Variants in LAPTM4B observed in about 807,000 individuals in gnomAD.
The protein encoded by LAPTM4B is lysosomal protein transmembrane 4 beta, also known as lysosomal-associated transmembrane protein 4B.
A neutral mutation model predicts 28.5 loss-of-function variants in LAPTM4B; 26 were observed. The observed-to-expected ratio is 0.91, with a 90% CI of 0.67 to 1.27. LAPTM4B has a LOEUF of 1.27. LAPTM4B is among the 50% of genes most tolerant of loss of function. The pLI, the probability that LAPTM4B is intolerant of heterozygous loss-of-function variation, is 0.00. For missense variants in LAPTM4B, 288 were observed against 285.8 expected (o/e 1.01, Z -0.06); for synonymous variants, 109 against 106.4 (o/e 1.02, Z -0.15).
At chr8:97,780,297 C>A (rs11997964) in intron 1 of LAPTM4B, among the ~76,000 whole-genome samples, 2 of 151,712 alleles carry the variant, frequency 1.3e-5, no homozygotes, top group Non-Finnish European at 2.9e-5. Context: ...CGTGGTGGCA[C>A]GTGCCTGTAA....
In LAPTM4B at chr8:97,810,890, T is replaced by C. The variant is rs1816816255; in HGVS notation, c.212-4438T>C. ...GCTACTTATATATACAGTCACCTGA[T>C]TTAGGCTAAAGACACCACTACATTT... On this transcript the variant is annotated intron_variant, in intron 2 of 6. Coordinates refer to ENST00000521545, the MANE Select transcript of LAPTM4B (RefSeq NM_018407.6). Among the ~76,000 whole-genome samples, 4 of 152,220 alleles carry C rather than the reference T, an allele frequency of 2.6e-5. No homozygotes were observed. In the South Asian group the frequency reaches 8.3e-4, roughly 32 times the overall value.
chr8:97,776,375 C>G lies in LAPTM4B; in HGVS notation c.99+267C>G, dbSNP rs184094922. ...CCCTTGGCGCCCAGGTGGTGTGGGT[C>G]GCCGATCTCCAGCCTCCGCGCAGCC... On this transcript the variant is annotated intron_variant, in intron 1 of 6. Transcript: ENST00000521545. Among the ~76,000 whole-genome samples, 531 of 152,346 alleles carry G rather than the reference C, an allele frequency of 3.5e-3. 3 individuals are homozygous for G. Among genetic ancestry groups the G allele is most frequent in the African/African-American group, 0.012 (507 of 41,588 alleles).
chr8:97,837,300 C>T (rs1282798383), intron 6 of LAPTM4B, among the ~76,000 whole-genome samples: 1 of 148,522 alleles, frequency 6.7e-6, no homozygotes, highest in Non-Finnish European at 1.5e-5. Context: ...TCACGTTATT[C>T]TCCTGTCTCA....
chr8:97,834,695 A>G (rs1817235354), intron 6 of LAPTM4B, among the ~76,000 whole-genome samples: 1 of 152,084 alleles, frequency 6.6e-6, no homozygotes, highest in Admixed American at 6.6e-5. Context: ...AGTAGCTGGG[A>G]CTACAGGTGT....
rs183293293 is a variant in LAPTM4B at position 97,843,216 on chromosome 8, G to A, written c.604-8181G>A. 5.9e-3 allele frequency among the ~76,000 whole-genome samples: 901 copies of A among 152,122 alleles called. 10 individuals are homozygous for A. Among genetic ancestry groups the A allele is most frequent in the Non-Finnish European group, 7.3e-3 (498 of 67,996 alleles). The stretch of plus-strand genomic sequence containing the variant: ...TCTGAATTAAAATTTACATTTGGCC[G>A]GGCCATCCGAGACCATCCTGGCCAA... On this transcript the variant is annotated intron_variant, in intron 6 of 6. Transcript: ENST00000521545.
At chr8:97,800,849 C>A (rs537077564) in intron 1 of LAPTM4B, among the ~76,000 whole-genome samples, 1 of 152,006 alleles carries the variant, frequency 6.6e-6, no homozygotes, top group South Asian at 2.1e-4. Context: ...TGGTGGCTCG[C>A]GCATTTAATC....
intron 5 of LAPTM4B, among the ~76,000 whole-genome samples, chr8:97,819,813 C>T (rs1816976851): frequency 1.4e-5 from 2 of 141,364 alleles, no homozygotes; most frequent in Non-Finnish European, 3.0e-5. Context: ...CGGCTTACTG[C>T]GAGCTTCGCC....
chr8:97,809,370 A>G (rs889525055), intron 2 of LAPTM4B, among the ~76,000 whole-genome samples: 5 of 152,350 alleles, frequency 3.3e-5, no homozygotes, highest in Non-Finnish European at 7.3e-5. Flanking sequence ...GGAAGAGTTC[A>G]TATGAGTATA....
In LAPTM4B at chr8:97,784,715, G is replaced by A. The variant is rs913410893; in HGVS notation, c.99+8607G>A. On this transcript the variant is annotated intron_variant, in intron 1 of 6. Transcript: ENST00000521545. ...AGCCTCCCAAAGTGTTGGGATTACA[G>A]GCATGAGCCACCACGCCTGGCCAAT... 6.6e-5 allele frequency among the ~76,000 whole-genome samples: 10 copies of A among 152,272 alleles called. 1 individual carries two copies. Among genetic ancestry groups the A allele is most frequent in the African/African-American group, 2.2e-4 (9 of 41,552 alleles).
chr8:97,852,849 G>T lies in LAPTM4B; in HGVS notation c.*1375G>T. 1 of 335,854 alleles carries T rather than the reference G, an allele frequency of 3.0e-6. No individual in the cohort carries two copies. Among genetic ancestry groups the T allele is most frequent in the Non-Finnish European group, 5.4e-6 (1 of 184,202 alleles). 20.8% of individuals were successfully genotyped at this position (335,854 alleles called of 1,614,324 possible). On this transcript the variant is annotated 3_prime_UTR_variant, in exon 7 of 7. Transcript: ENST00000521545. ...TATGAGATGAAAAGTACTTGTCAGG[G>T]ATTTTCAAGCTTTTGCTCAAGTAAT...
At chr8:97,784,296 G>A (rs1407923763) in intron 1 of LAPTM4B, among the ~76,000 whole-genome samples, 3 of 152,094 alleles carry the variant, frequency 2.0e-5, no homozygotes, top group African/African-American at 7.2e-5. Flanking sequence ...TTTATTGCCT[G>A]GTGTTTTCCC....
At chr8:97,820,873 C>A (rs914770270) in intron 5 of LAPTM4B, among the ~76,000 whole-genome samples, 2 of 151,880 alleles carry the variant, frequency 1.3e-5, no homozygotes, top group Non-Finnish European at 2.9e-5. Context: ...GGACTACAGG[C>A]GCCTGTTACC....
At chr8:97,776,393 G>T (rs1816216516) in intron 1 of LAPTM4B, among the ~76,000 whole-genome samples, 2 of 152,212 alleles carry the variant, frequency 1.3e-5, no homozygotes, top group Non-Finnish European at 1.5e-5. Flanking sequence ...TCCAGCCTCC[G>T]CGCAGCCCCG....
At position 97,775,942 on chromosome 8, in the gene LAPTM4B, G is replaced by GGCTCCAGGCGAGGCGGTCGAC. The variant is rs1439878303; in HGVS notation, c.-62_-42dup. The GGCTCCAGGCGAGGCGGTCGAC allele has an allele frequency of 6.7e-7, 1 of 1,482,752 alleles. No homozygotes were observed. Among genetic ancestry groups the GGCTCCAGGCGAGGCGGTCGAC allele is most frequent in the Non-Finnish European group, 8.9e-7 (1 of 1,125,830 alleles). 91.8% of individuals were successfully genotyped at this position (1,482,752 alleles called of 1,614,324 possible). On this transcript the variant is annotated 5_prime_UTR_variant, in exon 1 of 7. Coordinates refer to ENST00000521545, the MANE Select transcript of LAPTM4B (RefSeq NM_018407.6). ...AGGAGCCGGCAGCAGCGGCGCGGCG[G>GGCTCCAGGCGAGGCGGTCGAC]GCTCCAGGCGAGGCGGTCGACGCTC...
At chr8:97,846,471 G>T (rs1817436334) in intron 6 of LAPTM4B, among the ~76,000 whole-genome samples, 1 of 152,070 alleles carries the variant, frequency 6.6e-6, no homozygotes, top group South Asian at 2.1e-4. Context: ...GGGATTACAG[G>T]CATGCGCCAC....
chr8:97,775,840 A>C lies in LAPTM4B; in HGVS notation c.-170A>C. On this transcript the variant is annotated 5_prime_UTR_variant, in exon 1 of 7. Coordinates refer to ENST00000521545, the MANE Select transcript of LAPTM4B (RefSeq NM_018407.6). ...GGAGCGAAGGGTACCGACCCGGCAG[A>C]AGCTCGGAGCTCTCGGGGTATCGAG... 1 of 1,542,020 alleles carries C rather than the reference A, an allele frequency of 6.5e-7. No homozygotes were observed. Among genetic ancestry groups the C allele is most frequent in the Admixed American group, 1.9e-5 (1 of 51,562 alleles).
At chr8:97,804,294 T>C (rs1816728333) in intron 1 of LAPTM4B, among the ~76,000 whole-genome samples, 1 of 152,292 alleles carries the variant, frequency 6.6e-6, no homozygotes, top group East Asian at 1.9e-4. Flanking sequence ...AAAGTTAATA[T>C]GTGTGTGTAT....
At chr8:97,826,631 G>A (rs1445965460) in intron 6 of LAPTM4B, among the ~76,000 whole-genome samples, 1 of 151,924 alleles carries the variant, frequency 6.6e-6, no homozygotes, top group African/African-American at 2.4e-5. Context: ...GCCTCAGCCT[G>A]CCGAGTAGCT....
intron 5 of LAPTM4B, among the ~76,000 whole-genome samples, chr8:97,821,897 T>A (rs1817009364): frequency 6.6e-6 from 1 of 152,044 alleles, no homozygotes; most frequent in Non-Finnish European, 1.5e-5. Flanking sequence ...CTGCCTCAGC[T>A]TTTCTGCCAA....
Sources: allele counts gnomAD v4.1 joint callset (sites outside exome capture counted in the v4.1 genomes callset), GRCh38; gene constraint gnomAD v4.1.1; transcripts MANE v1.5; gene names NCBI Gene and HGNC (gene_info 2026-07-23, HGNC 2026-07-21).